LHFPL3: variants seen among roughly 807,000 people sequenced by gnomAD.
The protein encoded by LHFPL3 is LHFPL tetraspan subfamily member 3 protein.
Under a neutral mutation model 19.3 loss-of-function variants are expected in LHFPL3, and 5 were observed. The ratio of observed to expected loss-of-function variants is 0.26; its 90% CI spans 0.14 to 0.54. The LOEUF is 0.54. Ranked by LOEUF, LHFPL3 falls within the 20% of genes least tolerant of loss-of-function variation. The pLI is 0.94. For synonymous variants in LHFPL3, 133 were observed against 126.2 expected, an observed-to-expected ratio of 1.05 and a Z score of -0.36; for missense variants, 249 against 307.4, an observed-to-expected ratio of 0.81 and a Z score of 1.42.
At chr7:104,438,168 C>T (rs920050932) in intron 1 of LHFPL3, among the ~76,000 whole-genome samples, 3 of 152,152 alleles carry the variant, frequency 2.0e-5, no homozygotes, top group Admixed American at 6.6e-5. Flanking sequence ...AGCTCTGTGC[C>T]AGGAACTAGG....
chr7:104,762,618 A>G (rs914993518), intron 2 of LHFPL3, among the ~76,000 whole-genome samples: 4 of 152,196 alleles, frequency 2.6e-5, no homozygotes. Context: ...TTGAGCCCAG[A>G]GCTGTGAAGA....
intron 1 of LHFPL3, among the ~76,000 whole-genome samples, chr7:104,702,194 G>T (rs909161032): frequency 1.1e-4 from 17 of 152,076 alleles, no homozygotes; most frequent in African/African-American, 4.1e-4. Context: ...GTCCCTGTAA[G>T]GGACATGAAC....
intron 1 of LHFPL3, among the ~76,000 whole-genome samples, chr7:104,719,998 G>A (rs1287660738): frequency 6.6e-6 from 1 of 152,150 alleles, no homozygotes; most frequent in Non-Finnish European, 1.5e-5. Context: ...AACTGAGAGC[G>A]ATGGAGGAAG....
intron 1 of LHFPL3, among the ~76,000 whole-genome samples, chr7:104,698,591 T>C (rs1227783281): frequency 1.3e-5 from 2 of 152,220 alleles, no homozygotes; most frequent in African/African-American, 4.8e-5. Context: ...TGAAAATGTA[T>C]GTCCACACAA....
intron 2 of LHFPL3, among the ~76,000 whole-genome samples, chr7:104,855,629 CTT>C (rs11371248): frequency 2.7e-5 from 4 of 146,122 alleles, no homozygotes; most frequent in Non-Finnish European, 3.0e-5. Flanking sequence ...ATTTTTCTTT[CTT>C]TTTTTTTTTT....
At chr7:104,643,282 T>A (rs1791869797) in intron 1 of LHFPL3, among the ~76,000 whole-genome samples, 1 of 152,234 alleles carries the variant, frequency 6.6e-6, no homozygotes, top group Non-Finnish European at 1.5e-5. Context: ...ATAAAAATTC[T>A]GAGCCTTCCC....
intron 1 of LHFPL3, among the ~76,000 whole-genome samples, chr7:104,422,188 C>T (rs1490251110): frequency 1.3e-5 from 2 of 152,176 alleles, no homozygotes; most frequent in Admixed American, 1.3e-4. Context: ...TGGTGAAACA[C>T]CATCTCTACT....
rs781462075 is a variant in LHFPL3 at position 104,328,730 on chromosome 7, G to T, written c.-50G>T. On this transcript the variant is annotated 5_prime_UTR_variant, in exon 1 of 3. Transcript: ENST00000424859. The surrounding 1 kb of genome is among the most constrained non-coding windows in gnomAD (Gnocchi z 4.6). ...TGTGTCTCCTGCGCGCTGAGAGGCGGGGGGAGGCGGAGGACCAGGAGGAGG... is the reference window on the plus strand; with the variant it reads ...TGTGTCTCCTGCGCGCTGAGAGGCGTGGGGAGGCGGAGGACCAGGAGGAGG... The T allele has an allele frequency of 2.7e-6, 4 of 1,483,110 alleles. No homozygotes were observed. Among genetic ancestry groups the T allele is most frequent in the Non-Finnish European group, 3.6e-6 (4 of 1,103,976 alleles). The allele number at this position is 1,483,110 out of a possible 1,614,324, so 91.9% of individuals were successfully genotyped here.
intron 2 of LHFPL3, among the ~76,000 whole-genome samples, chr7:104,747,177 C>A (rs373019819): frequency 2.4e-4 from 36 of 152,196 alleles, no homozygotes; most frequent in African/African-American, 8.7e-4. Context: ...ATCCATGGAA[C>A]TCAAACTGTG....
In LHFPL3 at chr7:104,614,687, CTTTCTTTCT is replaced by C. The variant is rs1472024646; in HGVS notation, c.446-121985_446-121977del. ...TCCTTCCTTCCTTCCTTCCTTCTTT[CTTTCTTTCT>C]TTCTTTCTTTCTTTCTTTCTTTCTT... is the stretch of plus-strand genomic sequence containing the variant. On this transcript the variant is annotated intron_variant, in intron 1 of 2. Coordinates refer to ENST00000424859, the MANE Select transcript of LHFPL3 (RefSeq NM_199000.3). 7.5e-3 allele frequency among the ~76,000 whole-genome samples: 771 copies of C among 103,210 alleles called. 13 individuals carry two copies. Among genetic ancestry groups the C allele is most frequent in the African/African-American group, 0.013 (343 of 25,766 alleles). 67.7% of individuals were successfully genotyped at this position (103,210 alleles called of 152,430 possible). A position where few individuals can be genotyped will look rare whatever the true frequency, so the allele number is the denominator to read the frequency against.
chr7:104,389,534 A>G (rs1336945174), intron 1 of LHFPL3, among the ~76,000 whole-genome samples: 1 of 152,176 alleles, frequency 6.6e-6, no homozygotes, highest in Non-Finnish European at 1.5e-5. Context: ...TTTCTATAAA[A>G]GTATAAGAGG....
chr7:104,572,374 A>G (rs1790246074), intron 1 of LHFPL3, among the ~76,000 whole-genome samples: 1 of 152,206 alleles, frequency 6.6e-6, no homozygotes. Flanking sequence ...AATTTAGGCG[A>G]GGTAAATGAT....
chr7:104,648,375 A>G (rs999842153), intron 1 of LHFPL3, among the ~76,000 whole-genome samples: 4 of 152,228 alleles, frequency 2.6e-5, no homozygotes, highest in African/African-American at 9.6e-5. Flanking sequence ...AAGCTCTCAG[A>G]TGATGTATAC....
At chr7:104,445,676 T>C (rs767653644) in intron 1 of LHFPL3, among the ~76,000 whole-genome samples, 4 of 152,222 alleles carry the variant, frequency 2.6e-5, no homozygotes, top group Non-Finnish European at 5.9e-5. Context: ...CCTCCTTTTT[T>C]ATACAGAAAC....
chr7:104,650,056 TTTA>T (rs1265507317), intron 1 of LHFPL3, among the ~76,000 whole-genome samples: 2 of 152,168 alleles, frequency 1.3e-5, no homozygotes, highest in East Asian at 3.8e-4. Flanking sequence ...AGGGCCCTGT[TTTA>T]TTCCCATTCA....
chr7:104,374,763 C>T (rs1790677627), intron 1 of LHFPL3, among the ~76,000 whole-genome samples: 1 of 152,240 alleles, frequency 6.6e-6, no homozygotes, highest in African/African-American at 2.4e-5. Flanking sequence ...GATTCTGGAA[C>T]CTACTAGAAG....
Position 104,527,285 on chromosome 7 carries a change from G to A in LHFPL3, c.445+198061G>A, listed in dbSNP as rs540701691. Among the ~76,000 whole-genome samples the A allele has an allele frequency of 3.3e-5, 5 of 152,198 alleles. No homozygotes were observed. In the South Asian group the frequency reaches 8.3e-4, roughly 25 times the overall value. ...TAATCCACTGGTGAATTTGGCAAGA[G>A]GGGATGGTGAGAGCCACTTTCAAAG... On this transcript the variant is annotated intron_variant, in intron 1 of 2. Transcript: ENST00000424859.
intron 1 of LHFPL3, among the ~76,000 whole-genome samples, chr7:104,426,085 A>T (rs1325679780): frequency 3.9e-5 from 6 of 152,148 alleles, no homozygotes; most frequent in Non-Finnish European, 7.3e-5. Context: ...TCCCCCACAG[A>T]TGCAGTGGGA....
chr7:104,472,110 G>A (rs926776060), intron 1 of LHFPL3, among the ~76,000 whole-genome samples: 1 of 151,552 alleles, frequency 6.6e-6, no homozygotes, highest in African/African-American at 2.4e-5. Flanking sequence ...CCAGGAGGTC[G>A]AGGCTGCTGT....
Sources: gnomAD v4.1 joint callset for allele counts (sites outside exome capture counted in the v4.1 genomes callset) on GRCh38, gnomAD v4.1.1 for gene constraint, Gnocchi (gnomAD v3.1) non-coding constraint, MANE v1.5 for transcripts, NCBI Gene and HGNC (gene_info 2026-07-23, HGNC 2026-07-21) for gene names.